Variants in RBFOX3 observed in about 807,000 individuals in gnomAD.
The protein encoded by RBFOX3 is RNA binding fox-1 homolog 3.
Under a neutral mutation model 48.7 loss-of-function variants are expected in RBFOX3, and 17 were observed. The observed-to-expected ratio is 0.35, with a 90% CI of 0.24 to 0.52. RBFOX3 has a LOEUF of 0.52. Ranked by LOEUF, RBFOX3 falls within the 20% of genes least tolerant of loss-of-function variation. RBFOX3 has a pLI of 0.94. For synonymous variants in RBFOX3, 212 were observed against 209.5 expected (o/e 1.01, Z -0.10); for missense variants, 382 against 497.5 (o/e 0.77, Z 2.21).
rs117199887 is a variant in RBFOX3, at chr17:79,119,491, T to A, written c.-33-3743A>T. On this transcript the variant is annotated intron_variant, in intron 4 of 14. Coordinates refer to ENST00000693108, the MANE Select transcript of RBFOX3 (RefSeq NM_001350451.2). ...CAAACCCACCATATGCACCTCCACA[T>A]GGAATTGTAGCCCTGCCCAGGGTGG... Among the ~76,000 whole-genome samples, 395 of 152,086 alleles carry A rather than the reference T, an allele frequency of 2.6e-3. 5 individuals are homozygous for A. The East Asian group carries it at 0.034, about 13-fold the overall frequency.
chr17:79,535,301 ACT>A lies in RBFOX3; in HGVS notation c.-319-52705_-319-52704del, dbSNP rs2088527693. ...TCCCGTCCTCCCTTTCCTGAAAGAC[ACT>A]CTCTTTGACTCATTGGCCAGATCTG... On this transcript the variant is annotated intron_variant, in intron 1 of 14. Coordinates refer to ENST00000693108, the MANE Select transcript of RBFOX3 (RefSeq NM_001350451.2). The surrounding 1 kb of genome is among the most constrained non-coding windows in gnomAD (Gnocchi z 4.5). 6.6e-6 allele frequency among the ~76,000 whole-genome samples: 1 copy of A among 151,864 alleles called. No individual in the cohort carries two copies. The highest frequency in any genetic ancestry group is 2.4e-5 in the African/African-American group (1 of 41,324).
chr17:79,122,384 C>CAA (rs939320913), intron 4 of RBFOX3, among the ~76,000 whole-genome samples: 1 of 152,154 alleles, frequency 6.6e-6, no homozygotes, highest in East Asian at 1.9e-4. Flanking sequence ...ACTCCAGCCA[C>CAA]AAATGTCTCC....
At chr17:79,202,344 TATA>T (rs911413016) in intron 4 of RBFOX3, among the ~76,000 whole-genome samples, 86 of 152,220 alleles carry the variant, frequency 5.6e-4, no homozygotes, top group African/African-American at 2.0e-3. Context: ...CACGCTCACG[TATA>T]ATAACAGATG....
intron 6 of RBFOX3, among the ~76,000 whole-genome samples, chr17:79,104,793 GGAGGTTGGGCAGGGGGAAAATGGGGTT>G (rs1233462157): frequency 6.6e-6 from 1 of 152,144 alleles, no homozygotes; most frequent in East Asian, 1.9e-4. Context: ...GAGATGGGGA[GGAGGTTGGGCAGGGGGAAAATGGGGTT>G]GAGGGTGTGA....
At position 79,212,648 on chromosome 17, in the gene RBFOX3, G is replaced by A. The variant is rs1338874869; in HGVS notation, c.-34+23118C>T. On this transcript the variant is annotated intron_variant, in intron 4 of 14. Transcript: ENST00000693108. This position sits in a 1 kb window ranked among gnomAD's most constrained non-coding sequence, Gnocchi z 4.7. ...CTGGAGGGCCTCCCCGTAATTGCAG[G>A]CCTTACTCTCTCTGCTCCTTTTCAA... Among the ~76,000 whole-genome samples, 2 of 152,172 alleles carry A rather than the reference G, an allele frequency of 1.3e-5. No individual in the cohort carries two copies.
At chr17:79,458,537 G>A (rs1045434395) in intron 2 of RBFOX3, among the ~76,000 whole-genome samples, 3 of 152,072 alleles carry the variant, frequency 2.0e-5, no homozygotes, top group African/African-American at 2.4e-5. Context: ...GACCATCACC[G>A]CAGTTGAGAT....
At chr17:79,620,191 ATG>A in the RBFOX3 span, among the ~76,000 whole-genome samples, 1 of 147,668 alleles carries the variant, frequency 6.8e-6, no homozygotes, top group Non-Finnish European at 1.5e-5. Context: ...ACATGTGCAC[ATG>A]CACACACGTG....
chr17:79,642,777 T>C, the RBFOX3 span, among the ~76,000 whole-genome samples: 2 of 151,934 alleles, frequency 1.3e-5, no homozygotes, highest in African/African-American at 2.4e-5. Context: ...AGAAAACAAA[T>C]AGGAAAATGA....
upstream of RBFOX3, among the ~76,000 whole-genome samples, chr17:79,614,156 G>A (rs2093985274): frequency 6.6e-6 from 1 of 152,222 alleles, no homozygotes; most frequent in South Asian, 2.1e-4. Context: ...CGAAGGCTCA[G>A]AAGGCGTGGG....
chr17:79,181,831 C>T (rs2052015818), intron 4 of RBFOX3, among the ~76,000 whole-genome samples: 1 of 152,152 alleles, frequency 6.6e-6, no homozygotes, highest in Admixed American at 6.5e-5. Context: ...AAGGTCCCAT[C>T]TTTGCCTTCT....
At chr17:79,373,299 T>G (rs1357536679) in intron 2 of RBFOX3, among the ~76,000 whole-genome samples, 4 of 151,796 alleles carry the variant, frequency 2.6e-5, no homozygotes, top group Non-Finnish European at 5.9e-5. Context: ...AGTCGACACC[T>G]CTCCCCACAT....
At chr17:79,604,494 G>A (rs2093783027) in intron 1 of RBFOX3, among the ~76,000 whole-genome samples, 2 of 151,218 alleles carry the variant, frequency 1.3e-5, no homozygotes, top group South Asian at 4.2e-4. Flanking sequence ...GTGGGCTGGG[G>A]TGGGGTGGGG....
intron 2 of RBFOX3, among the ~76,000 whole-genome samples, chr17:79,399,491 C>T (rs1279371388): frequency 6.6e-6 from 1 of 151,332 alleles, no homozygotes; most frequent in Admixed American, 6.6e-5. Context: ...TTTTTTTTTG[C>T]CATCTTTTCA....
intron 4 of RBFOX3, among the ~76,000 whole-genome samples, chr17:79,143,970 C>G (rs544571341): frequency 6.6e-6 from 1 of 152,210 alleles, no homozygotes; most frequent in East Asian, 1.9e-4. Flanking sequence ...AGGGTGGCCA[C>G]GAAGGGGGAC....
chr17:79,188,197 G>A (rs1333915252), intron 4 of RBFOX3, among the ~76,000 whole-genome samples: 5 of 152,164 alleles, frequency 3.3e-5, no homozygotes, highest in Non-Finnish European at 5.9e-5. Flanking sequence ...TGCGAGGAAG[G>A]GCTGCTGGGG....
At chr17:79,223,611 C>CTGTGACCTGACCTCA in intron 4 of RBFOX3, among the ~76,000 whole-genome samples, 1 of 152,298 alleles carries the variant, frequency 6.6e-6, no homozygotes, top group South Asian at 2.1e-4. Flanking sequence ...GCCCTCAGGC[C>CTGTGACCTGACCTCA]AGTGGCGTGA....
intron 2 of RBFOX3, among the ~76,000 whole-genome samples, chr17:79,370,484 GCTCA>G (rs1168312892): frequency 3.9e-5 from 6 of 152,004 alleles, no homozygotes; most frequent in Admixed American, 1.3e-4. Flanking sequence ...TCACACACGT[GCTCA>G]CTCACACAGG....
intron 4 of RBFOX3, among the ~76,000 whole-genome samples, chr17:79,174,400 ACACT>A (rs879062823): frequency 1.3e-5 from 2 of 151,524 alleles, no homozygotes; most frequent in East Asian, 3.9e-4. Context: ...ATGTACTCTC[ACACT>A]CAGACACGCA....
intron 3 of RBFOX3, among the ~76,000 whole-genome samples, chr17:79,237,802 C>T (rs944507729): frequency 6.6e-6 from 1 of 152,234 alleles, no homozygotes; most frequent in Non-Finnish European, 1.5e-5. Context: ...CCCGTGGAGC[C>T]ATCTCCACAC....
Sources: allele counts gnomAD v4.1 joint callset (sites outside exome capture counted in the v4.1 genomes callset), GRCh38; gene constraint gnomAD v4.1.1; non-coding constraint Gnocchi (gnomAD v3.1); transcripts MANE v1.5; gene names NCBI Gene and HGNC (gene_info 2026-07-23, HGNC 2026-07-21).